The following ZNF786 variants were observed in gnomAD, a reference collection of about 807,000 sequenced individuals.
ZNF786 encodes the protein zinc finger protein 786.
In ZNF786, 56 loss-of-function variants were observed where a neutral mutation model predicts 63.1. That is an observed-to-expected ratio of 0.89 (90% CI 0.72 to 1.11). ZNF786 has a LOEUF of 1.11. ZNF786 is among the 50% of genes least tolerant of loss of function. The probability of loss-of-function intolerance (pLI) is 0.00; values close to 1 mark genes in which losing one functional copy is unlikely to be tolerated. For synonymous variants in ZNF786, 485 were observed against 406.9 expected, an observed-to-expected ratio of 1.19 and a Z score of -2.31; for missense variants, 1,213 against 1,041.8, an observed-to-expected ratio of 1.16 and a Z score of -2.26.
At chr7:149,072,882 T>G (rs915065883) in intron 3 of ZNF786, among the ~76,000 whole-genome samples, 5 of 152,194 alleles carry the variant, frequency 3.3e-5, no homozygotes, top group African/African-American at 1.2e-4. Flanking sequence ...ATGAGGTGCT[T>G]AGCATGGTGC....
intron 1 of ZNF786, chr7:149,082,585 A>ATTTT: frequency 3.4e-6 from 2 of 585,890 alleles, no homozygotes; most frequent in Non-Finnish European, 4.3e-6. Flanking sequence ...TCCAACTTAA[A>ATTTT]TTTTTTTTTT....
intron 2 of ZNF786, among the ~76,000 whole-genome samples, chr7:149,076,904 G>C (rs1825561376): frequency 6.6e-6 from 1 of 152,022 alleles, no homozygotes; most frequent in South Asian, 2.1e-4. Context: ...ATGCCTCTAT[G>C]AATACACACA....
At chr7:149,074,984 C>G (rs1825518203) in intron 2 of ZNF786, among the ~76,000 whole-genome samples, 1 of 152,006 alleles carries the variant, frequency 6.6e-6, no homozygotes, top group Non-Finnish European at 1.5e-5. Context: ...CACGCACCAC[C>G]AGGCCAAGCT....
chr7:149,074,309 G>A (rs1411767121), intron 3 of ZNF786, 77 bp downstream of exon 3: 2 of 1,550,044 alleles, frequency 1.3e-6, no homozygotes, highest in Non-Finnish European at 1.8e-6. Flanking sequence ...TGCCCAAACA[G>A]GATGACAAGA....
At chr7:149,083,741 G>A (rs1585469870) in intron 1 of ZNF786, among the ~76,000 whole-genome samples, 2 of 151,990 alleles carry the variant, frequency 1.3e-5, no homozygotes, top group African/African-American at 4.8e-5. Context: ...TCCCTGCTTC[G>A]TATCCATATA....
At chr7:149,075,084 C>T (rs984254889) in intron 2 of ZNF786, among the ~76,000 whole-genome samples, 1 of 152,122 alleles carries the variant, frequency 6.6e-6, no homozygotes, top group Non-Finnish European at 1.5e-5. Flanking sequence ...CTGCCTTGGC[C>T]TCCCAAAGTG....
Position 149,070,871 on chromosome 7 carries a change from G to T in ZNF786, c.1901C>A (p.Ala634Asp). Reference protein sequence around the residue: ...PECDKRYRVKADMKAHQLLHS... With the variant: ...PECDKRYRVKDDMKAHQLLHS... ...CAGCAGCTGGTGGGCCTTCATGTCG[G>T]CCTTCACGCGATAGCGCTTGTCGCA... The change falls in exon 4 of 4, where the codon GCC becomes GAC. Residue 634 changes from alanine (A) to aspartate (D), a missense_variant. Ala to Asp is a moderately radical substitution (Grantham distance 126, BLOSUM62 -2). Transcript: ENST00000491431. 1 of 1,610,682 alleles carries T rather than the reference G, an allele frequency of 6.2e-7. No individual in the cohort carries two copies. Among genetic ancestry groups the T allele is most frequent in the Non-Finnish European group, 8.5e-7 (1 of 1,179,190 alleles).
chr7:149,071,310 G>C lies in ZNF786; in HGVS notation c.1462C>G (p.Leu488Val), dbSNP rs767410430. 1.2e-5 allele frequency: 19 copies of C among 1,611,926 alleles called. No individual in the cohort carries two copies. Among genetic ancestry groups the C allele is most frequent in the Non-Finnish European group, 1.6e-5 (19 of 1,179,464 alleles). Residue 488 changes from leucine (L) to valine (V), a missense_variant, in exon 4 of 4, where the codon CTG (leucine) becomes GTG (valine). Coordinates refer to ENST00000491431, the MANE Select transcript of ZNF786 (RefSeq NM_152411.4). ...AGCATGCTCTCCAGGCGGAAGCTCA[G>C]CCCACACTCTGGGCACTGAAAGGGC... Reference protein sequence around the residue: ...EKPFQCPECGLSFRLESMLRA... With the variant: ...EKPFQCPECGVSFRLESMLRA...
intron 1 of ZNF786, among the ~76,000 whole-genome samples, chr7:149,087,817 GGGGTCTCTGTTGCCCA>G (rs771405119): frequency 8.0e-5 from 12 of 150,912 alleles, no homozygotes; most frequent in Non-Finnish European, 1.5e-4. Flanking sequence ...TTTTGAAACG[GGGGTCTCTGTTGCCCA>G]GGCCAGAGTG....
At position 149,070,323 on chromosome 7, in the gene ZNF786, C is replaced by A; in HGVS notation, c.*100G>T. ...TGACACTCTTGCTCAAAGAAGGATA[C>A]CTGCTCCTAAAACCCGTCTACCAGC... On this transcript the variant is annotated 3_prime_UTR_variant, in exon 4 of 4. Coordinates refer to ENST00000491431, the MANE Select transcript of ZNF786 (RefSeq NM_152411.4). The A allele has an allele frequency of 2.0e-6, 3 of 1,484,138 alleles. No individual in the cohort carries two copies. The highest frequency in any genetic ancestry group is 2.7e-6 in the Non-Finnish European group (3 of 1,101,142). The allele number at this position is 1,484,138 out of a possible 1,614,324, so 91.9% of individuals were successfully genotyped here. A position where few individuals can be genotyped will look rare whatever the true frequency, so the allele number is the denominator to read the frequency against.
At chr7:149,075,814 C>T (rs1825538070) in intron 2 of ZNF786, among the ~76,000 whole-genome samples, 1 of 151,892 alleles carries the variant, frequency 6.6e-6, no homozygotes, top group South Asian at 2.1e-4. Flanking sequence ...AGGCGGGAGC[C>T]ACCATGCTCA....
At chr7:149,077,032 G>A (rs2129515497) in intron 2 of ZNF786, among the ~76,000 whole-genome samples, 1 of 152,266 alleles carries the variant, frequency 6.6e-6, no homozygotes, top group South Asian at 2.1e-4. Flanking sequence ...AATAGAGTAG[G>A]AATGTTCACT....
chr7:149,073,759 A>ATATATATATATATATATATATG (rs1467124128), intron 3 of ZNF786, among the ~76,000 whole-genome samples: 1 of 93,640 alleles, frequency 1.1e-5, no homozygotes, highest in Non-Finnish European at 2.1e-5. Flanking sequence ...ATATATATAT[A>ATATATATATATATATATATATG]TATATATATA....
intron 2 of ZNF786, among the ~76,000 whole-genome samples, chr7:149,079,266 G>A (rs142427617): frequency 0.013 from 2,009 of 152,016 alleles, 17 homozygotes; most frequent in African/African-American, 0.022. Context: ...AAAATTAGCC[G>A]GGTGCAGTGG....
chr7:149,085,356 C>G (rs889111423), intron 1 of ZNF786, among the ~76,000 whole-genome samples: 1 of 149,038 alleles, frequency 6.7e-6, no homozygotes, highest in African/African-American at 2.6e-5. Context: ...AAGTTGGGAG[C>G]CCAGGAGTTT....
At chr7:149,080,261 T>A (rs552114434) in intron 2 of ZNF786, among the ~76,000 whole-genome samples, 7 of 152,190 alleles carry the variant, frequency 4.6e-5, no homozygotes, top group Non-Finnish European at 8.8e-5. Context: ...AGGTTAAAGA[T>A]ATACAGAGCA....
intron 1 of ZNF786, among the ~76,000 whole-genome samples, chr7:149,088,764 ATGTTC>A (rs2129516974): frequency 6.6e-6 from 1 of 152,188 alleles, no homozygotes; most frequent in East Asian, 1.9e-4. Flanking sequence ...CTCTTCAATC[ATGTTC>A]TGATATTGTC....
At chr7:149,080,067 T>C (rs1306785105) in intron 2 of ZNF786, among the ~76,000 whole-genome samples, 2 of 151,750 alleles carry the variant, frequency 1.3e-5, no homozygotes, top group East Asian at 3.9e-4. Context: ...AGTTACTCGG[T>C]AGGCTGAGGC....
chr7:149,086,674 T>C (rs896474759), intron 1 of ZNF786, among the ~76,000 whole-genome samples: 3 of 151,438 alleles, frequency 2.0e-5, no homozygotes, highest in South Asian at 4.2e-4. Context: ...TGAGCTGGCA[T>C]GTGCACAGAT....
Sources: allele counts gnomAD v4.1 joint callset (sites outside exome capture counted in the v4.1 genomes callset), GRCh38; gene constraint gnomAD v4.1.1; transcripts MANE v1.5; gene names NCBI Gene and HGNC (gene_info 2026-07-23, HGNC 2026-07-21).